Variants in JPT1 observed in about 807,000 individuals in gnomAD.
JPT1 encodes the protein Jupiter microtubule associated homolog 1.
In JPT1, 5 loss-of-function variants were observed where a neutral mutation model predicts 17.0. That is an observed-to-expected ratio of 0.29 (90% CI 0.15 to 0.62). JPT1 has a LOEUF of 0.62. Among genes scored for constraint, JPT1 ranks in the 20% least tolerant of loss-of-function variants. The probability of loss-of-function intolerance (pLI) is 0.85; values close to 1 mark genes in which losing one functional copy is unlikely to be tolerated. For synonymous variants in JPT1, 71 were observed against 73.6 expected (o/e 0.96, Z 0.18); for missense variants, 158 against 188.1 (o/e 0.84, Z 0.94).
Position 75,135,821 on chromosome 17 carries a change from A to G in JPT1, c.*281T>C, listed in dbSNP as rs2145151593. The G allele has an allele frequency of 1.6e-6, 1 of 608,680 alleles. No individual in the cohort carries two copies. The highest frequency in any genetic ancestry group is 2.3e-5 in the South Asian group (1 of 43,272). 37.7% of individuals were successfully genotyped at this position (608,680 alleles called of 1,614,324 possible). On this transcript the variant is annotated 3_prime_UTR_variant, in exon 5 of 5. Coordinates refer to ENST00000409753, the MANE Select transcript of JPT1 (RefSeq NM_016185.4). ...ACCTCAGTACAAAAGATCCTCTAAC[A>G]CATCTGGAACCAAATTATTTCTTCT... is the stretch of plus-strand genomic sequence containing the variant.
intron 4 of JPT1, among the ~76,000 whole-genome samples, chr17:75,140,075 G>A (rs1473440709): frequency 1.3e-5 from 2 of 151,944 alleles, no homozygotes; most frequent in Admixed American, 6.6e-5. Context: ...GTGCCACCAC[G>A]CCTGGCTAAT....
Position 75,147,555 on chromosome 17 carries a change from C to A in JPT1, c.297+1G>T. On this transcript the variant is annotated splice_donor_variant, in intron 3 of 4. Coordinates refer to ENST00000409753, the MANE Select transcript of JPT1 (RefSeq NM_016185.4). LOFTEE classifies it high-confidence loss of function. ...TTCTGGCCTCATGCTGTCACACTGA[C>A]CTTCAGATCTAAGAAGTCTCCGGAG... is the stretch of plus-strand genomic sequence containing the variant. 2 of 1,608,742 alleles carry A rather than the reference C, an allele frequency of 1.2e-6. No homozygotes were observed. The highest frequency in any genetic ancestry group is 1.7e-6 in the Non-Finnish European group (2 of 1,175,246).
chr17:75,146,791 T>C, intron 3 of JPT1, 107 bp from the exon 4 acceptor site: 1 of 714,552 alleles, frequency 1.4e-6, no homozygotes, highest in Non-Finnish European at 2.5e-6. Flanking sequence ...GAATGTGACA[T>C]TTCATTGTGT....
intron 3 of JPT1, 144 bp from the exon 4 acceptor site, chr17:75,146,828 T>C (rs2074447055): frequency 1.6e-6 from 1 of 633,286 alleles, no homozygotes. Context: ...GTCAGTCTGC[T>C]ACCTCTATCC....
Position 75,148,648 on chromosome 17 carries a change from C to A in JPT1, c.80G>T (p.Gly27Val). ...SSRVLRPPGGGSNFSLGFDEP... is the reference protein window; with the variant it reads ...SSRVLRPPGGVSNFSLGFDEP... ...ATCAAAACCTAATGAAAAATTGGAT[C>A]CACCACCTGGAGGCCGCAAAACTCT... Residue 27 changes from glycine to valine, a missense_variant, in exon 2 of 5, where the codon GGA becomes GTA. Transcript: ENST00000409753. 6.2e-7 allele frequency: 1 copy of A among 1,614,196 alleles called. No homozygotes were observed. Among genetic ancestry groups the A allele is most frequent in the Non-Finnish European group, 8.5e-7 (1 of 1,180,034 alleles).
In JPT1 at chr17:75,136,290, G is replaced by A. The variant is rs375572593; in HGVS notation, c.317-40C>T. The A allele has an allele frequency of 6.0e-6, 9 of 1,500,484 alleles. No individual in the cohort carries two copies. The African/African-American group carries it at 1.1e-4, about 19-fold the overall frequency. The allele number at this position is 1,500,484 out of a possible 1,614,324, so 92.9% of individuals were successfully genotyped here. On this transcript the variant is annotated intron_variant, in intron 4 of 4. Coordinates refer to ENST00000409753, the MANE Select transcript of JPT1 (RefSeq NM_016185.4). ...AATAGAAATAATACTCATAATGACA[G>A]CCATTTCCTGTTAAGATCAAGGATC...
At chr17:75,137,379 CAG>C (rs2074219634) in intron 4 of JPT1, among the ~76,000 whole-genome samples, 1 of 151,708 alleles carries the variant, frequency 6.6e-6, no homozygotes. Context: ...GATATTGAGA[CAG>C]GGTCTCACTC....
At chr17:75,146,315 G>A (rs2145183350) in intron 4 of JPT1, 1 of 196,780 alleles carries the variant, frequency 5.1e-6, no homozygotes, top group Non-Finnish European at 1.0e-5. Flanking sequence ...GCCATGCTAG[G>A]CTAATTTTTG....
intron 1 of JPT1, chr17:75,153,512 GGAA>G (rs1443798943): frequency 1.3e-5 from 2 of 152,248 alleles, no homozygotes; most frequent in African/African-American, 4.8e-5. Flanking sequence ...CGTCAAAGGA[GGAA>G]GCGAAGGTAG....
At chr17:75,140,118 A>G (rs1057412520) in intron 4 of JPT1, among the ~76,000 whole-genome samples, 2 of 152,094 alleles carry the variant, frequency 1.3e-5, no homozygotes, top group Admixed American at 1.3e-4. Context: ...GGCTTTCACC[A>G]TGTTGGCCAG....
chr17:75,151,243 G>C (rs150789499), intron 1 of JPT1, among the ~76,000 whole-genome samples: 5,359 of 152,256 alleles, frequency 0.035, 140 homozygotes, highest in Non-Finnish European at 0.053. Context: ...TGAGGTAGGA[G>C]AATCGCTTGA....
Position 75,149,862 on chromosome 17 carries a change from T to TACACACACAC in JPT1, c.57-1201_57-1192dup, listed in dbSNP as rs58993126. Among the ~76,000 whole-genome samples, 1,345 of 147,596 alleles carry TACACACACAC rather than the reference T, an allele frequency of 9.1e-3. 14 individuals are homozygous for TACACACACAC. Among genetic ancestry groups the TACACACACAC allele is most frequent in the South Asian group, 0.026 (119 of 4,664 alleles). On this transcript the variant is annotated intron_variant, in intron 1 of 4. Coordinates refer to ENST00000409753, the MANE Select transcript of JPT1 (RefSeq NM_016185.4). The stretch of plus-strand genomic sequence containing the variant: ...CCCCATCTCTAATCACTTACACACT[T>TACACACACAC]ACACACACACACACACACACACTTA...
At chr17:75,142,186 A>T (rs1412555548) in intron 4 of JPT1, among the ~76,000 whole-genome samples, 1 of 152,168 alleles carries the variant, frequency 6.6e-6, no homozygotes, top group Non-Finnish European at 1.5e-5. Flanking sequence ...TAGTTGTATT[A>T]ACTGACCAAA....
intron 4 of JPT1, among the ~76,000 whole-genome samples, chr17:75,139,577 T>C (rs1371742770): frequency 6.6e-6 from 1 of 152,080 alleles, no homozygotes; most frequent in East Asian, 1.9e-4. Context: ...TCCCAGCACT[T>C]TGGGAGGCCA....
intron 4 of JPT1, among the ~76,000 whole-genome samples, chr17:75,137,685 C>CTTT (rs60118585): frequency 0.023 from 2,574 of 112,408 alleles, 198 homozygotes; most frequent in South Asian, 0.041. Context: ...CCTAGTTTTC[C>CTTT]TTTTTTTTTT....
chr17:75,136,245 C>T lies in JPT1; in HGVS notation c.322G>A (p.Val108Met). The change falls in exon 5 of 5, where the codon GTG becomes ATG. Residue 108 changes from valine to methionine, a missense_variant. Physicochemically the swap from Val to Met is conservative, Grantham distance 21. Transcript: ENST00000409753. ...LKGEGDIHEN[V>M]DTDLPGSLGQ... ...AGGCTGCCTGGCAAGTCTGTGTCCA[C>T]ATTTTCTATGAAAACAGGGAATAGA... 1 of 1,576,818 alleles carries T rather than the reference C, an allele frequency of 6.3e-7. No homozygotes were observed.
intron 4 of JPT1, 130 bp from the exon 5 acceptor site, chr17:75,136,380 TAATC>T (rs1265126625): frequency 3.3e-5 from 27 of 810,516 alleles, no homozygotes; most frequent in Non-Finnish European, 3.9e-5. Context: ...ATAAACAAAA[TAATC>T]ACCCACCATG....
chr17:75,141,984 G>A (rs534197268), intron 4 of JPT1, among the ~76,000 whole-genome samples: 95 of 150,510 alleles, frequency 6.3e-4, no homozygotes, highest in African/African-American at 2.1e-3. Context: ...CGGGAGAATC[G>A]CTTGAACCTG....
At chr17:75,138,347 T>C (rs1308308519) in intron 4 of JPT1, 1 of 152,222 alleles carries the variant, frequency 6.6e-6, no homozygotes, top group Non-Finnish European at 1.5e-5. Context: ...TAAAAATATT[T>C]CATAGAATCC....
Sources: gnomAD v4.1 joint callset for allele counts (sites outside exome capture counted in the v4.1 genomes callset) on GRCh38, gnomAD v4.1.1 for gene constraint, MANE v1.5 for transcripts, NCBI Gene and HGNC (gene_info 2026-07-23, HGNC 2026-07-21) for gene names.